The following TRDN variants were observed in gnomAD, a reference collection of about 807,000 sequenced individuals.
TRDN encodes triadin, also known as triadin in skeletal muscle.
Under a neutral mutation model 149.7 loss-of-function variants are expected in TRDN, and 161 were observed. That is an observed-to-expected ratio of 1.08 (90% CI 0.95 to 1.23). TRDN has a LOEUF of 1.23. Among genes scored for constraint, TRDN ranks in the 50% most tolerant of loss-of-function variants. The pLI, the probability that TRDN is intolerant of heterozygous loss-of-function variation, is 0.00. For synonymous variants in TRDN, 294 were observed against 250.5 expected (o/e 1.17, Z -1.64); for missense variants, 896 against 823.5 (o/e 1.09, Z -1.08).
At chr6:123,503,227 G>A (rs1778773620) in intron 8 of TRDN, 1 of 983,938 alleles carries the variant, frequency 1.0e-6, no homozygotes, top group Admixed American at 6.2e-5. Context: ...TTAATAATTG[G>A]ATGTATATTC....
chr6:123,572,267 G>C lies in TRDN; in HGVS notation c.23-1135C>G, dbSNP rs143499031. On this transcript the variant is annotated intron_variant, in intron 1 of 40. Transcript: ENST00000334268. ...ATTTTTCTGTAAACCTCCTTTTGGTGGTTTCTAAAATTGCATACATACACA... is the reference window on the plus strand; with the variant it reads ...ATTTTTCTGTAAACCTCCTTTTGGTCGTTTCTAAAATTGCATACATACACA... Among the ~76,000 whole-genome samples the C allele has an allele frequency of 2.7e-3, 407 of 152,036 alleles. 2 individuals carry two copies. The highest frequency in any genetic ancestry group is 9.2e-3 in the African/African-American group (381 of 41,522).
intron 1 of TRDN, among the ~76,000 whole-genome samples, chr6:123,589,740 A>C (rs1397063178): frequency 6.6e-6 from 1 of 152,162 alleles, no homozygotes; most frequent in Non-Finnish European, 1.5e-5. Flanking sequence ...GGTAACCATA[A>C]GTTCATGCAG....
chr6:123,591,941 C>T (rs66632718), intron 1 of TRDN, among the ~76,000 whole-genome samples: 25,465 of 152,016 alleles, frequency 0.17, 2,297 homozygotes, highest in Non-Finnish European at 0.21. Context: ...AAAGCTGCAC[C>T]CACCTAGAGA....
intron 8 of TRDN, chr6:123,503,271 G>A: frequency 1.0e-6 from 1 of 985,274 alleles, no homozygotes; most frequent in Non-Finnish European, 1.2e-6. Flanking sequence ...CAACAGTAAT[G>A]TATGGATAGT....
chr6:123,457,576 T>C (rs1197431106), intron 10 of TRDN: 2 of 447,374 alleles, frequency 4.5e-6, no homozygotes, highest in East Asian at 1.4e-4. Context: ...TTTTTTTCTT[T>C]TGATGCTTTG....
chr6:123,303,914 C>A (rs1778514922), intron 24 of TRDN, among the ~76,000 whole-genome samples: 1 of 151,672 alleles, frequency 6.6e-6, no homozygotes, highest in Non-Finnish European at 1.5e-5. Context: ...TAATAAGAAT[C>A]AGAAAAAAAC....
chr6:123,396,591 G>C (rs1306961732), intron 12 of TRDN, among the ~76,000 whole-genome samples: 1 of 152,130 alleles, frequency 6.6e-6, no homozygotes, highest in Non-Finnish European at 1.5e-5. Context: ...ACTTGGGGGT[G>C]TTTTTTCAGG....
intron 12 of TRDN, among the ~76,000 whole-genome samples, chr6:123,416,186 T>C (rs1322126318): frequency 6.6e-6 from 1 of 152,224 alleles, no homozygotes; most frequent in Non-Finnish European, 1.5e-5. Flanking sequence ...TGTGTTTATG[T>C]TAATTCTAAT....
intron 12 of TRDN, among the ~76,000 whole-genome samples, chr6:123,428,968 A>G (rs1290498643): frequency 6.6e-6 from 1 of 152,184 alleles, no homozygotes; most frequent in African/African-American, 2.4e-5. Flanking sequence ...AGGAAAGCAT[A>G]ATTTCTACAA....
chr6:123,365,706 G>T (rs1781071133), intron 20 of TRDN, among the ~76,000 whole-genome samples: 1 of 152,114 alleles, frequency 6.6e-6, no homozygotes, highest in African/African-American at 2.4e-5. Context: ...CTCCAAGTCA[G>T]CATCTCACCT....
chr6:123,351,718 G>A, intron 21 of TRDN: 2 of 927,152 alleles, frequency 2.2e-6, no homozygotes, highest in African/African-American at 1.8e-5. Context: ...ACATTTAATT[G>A]CATCTCAAAT....
intron 7 of TRDN, among the ~76,000 whole-genome samples, chr6:123,506,690 T>C (rs1392054842): frequency 1.3e-5 from 2 of 152,062 alleles, no homozygotes; most frequent in East Asian, 3.9e-4. Flanking sequence ...GGTTTCACCA[T>C]GTTGGCCAGG....
At chr6:123,625,978 ATGTGACATTCAC>A (rs1785641739) in intron 1 of TRDN, among the ~76,000 whole-genome samples, 1 of 152,176 alleles carries the variant, frequency 6.6e-6, no homozygotes, top group Admixed American at 6.5e-5. Flanking sequence ...TCTCTGTAGT[ATGTGACATTCAC>A]TGTTTGATAG....
intron 28 of TRDN, 36 bp downstream of exon 28, chr6:123,273,301 G>C (rs1429555883): frequency 6.5e-6 from 7 of 1,084,600 alleles, no homozygotes; most frequent in African/African-American, 1.7e-5. Context: ...TTTTTCGTAA[G>C]AAAGTCTAAG....
At chr6:123,634,907 C>A (rs1256560416) in intron 1 of TRDN, among the ~76,000 whole-genome samples, 7 of 151,872 alleles carry the variant, frequency 4.6e-5, no homozygotes, top group Admixed American at 3.9e-4. Context: ...TTATGGGTAA[C>A]TCCAGAAGGT....
rs66509682 is a variant in TRDN, at chr6:123,548,624, T to TA, written c.233-13dup. On this transcript the variant is annotated splice_polypyrimidine_tract_variant and intron_variant, in intron 2 of 40. Transcript: ENST00000334268. ...GGCAATAGAGCTTGCTAAAAGTAAT[T>TA]AAAAAAAAAAAAAAAGAAAAAGTTT... 20,505 of 1,177,006 alleles carry TA rather than the reference T, an allele frequency of 0.017. No individual in the cohort carries two copies. Among genetic ancestry groups the TA allele is most frequent in the East Asian group, 0.054 (1,531 of 28,304 alleles). 72.9% of individuals were successfully genotyped at this position (1,177,006 alleles called of 1,614,324 possible). A position where few individuals can be genotyped will look rare whatever the true frequency, so the allele number is the denominator to read the frequency against.
intron 19 of TRDN, among the ~76,000 whole-genome samples, chr6:123,367,598 A>G (rs1041816646): frequency 6.6e-6 from 1 of 152,238 alleles, no homozygotes; most frequent in African/African-American, 2.4e-5. Flanking sequence ...CCTGGGCTTC[A>G]AGACTGAACA....
rs79979960 is a variant in TRDN, at chr6:123,532,168, A to G, written c.425-1603T>C. On this transcript the variant is annotated intron_variant, in intron 4 of 40. Transcript: ENST00000334268. ...ATCCAAATTGAGATGTGCTGTAAGT[A>G]TAAAATATACACTAGATTACAAAAA... is the stretch of plus-strand genomic sequence containing the variant. Among the ~76,000 whole-genome samples the G allele has an allele frequency of 3.5e-3, 532 of 152,242 alleles. 25 individuals carry two copies. The East Asian group carries it at 0.092, about 26-fold the overall frequency.
chr6:123,497,229 T>C lies in TRDN; in HGVS notation c.817A>G (p.Met273Val), dbSNP rs1285647021. ...TCCCCATGGACAAATATGTCAATCA[T>C]ATATCGACAGAATGCATACTGATCT... The part of the protein sequence containing the change: ...QKDQYAFCRY[M>V]IDIFVHGDLK... The change falls in exon 9 of 41, where the codon ATG (methionine) becomes GTG (valine). Residue 273 changes from methionine (M) to valine (V), a missense_variant. By Grantham distance (21) the Met-to-Val change is conservative. Coordinates refer to ENST00000334268, the MANE Select transcript of TRDN (RefSeq NM_006073.4). 23 of 1,557,682 alleles carry C rather than the reference T, an allele frequency of 1.5e-5. No homozygotes were observed. Among genetic ancestry groups the C allele is most frequent in the Non-Finnish European group, 2.0e-5 (23 of 1,152,742 alleles).
Sources: allele counts gnomAD v4.1 joint callset (sites outside exome capture counted in the v4.1 genomes callset), GRCh38; gene constraint gnomAD v4.1.1; transcripts MANE v1.5; gene names NCBI Gene and HGNC (gene_info 2026-07-23, HGNC 2026-07-21).